The following PPFIA1 variants were observed in gnomAD, a reference collection of about 807,000 sequenced individuals.
PPFIA1 encodes PPFI scaffold protein A1.
Under a neutral mutation model 149.9 loss-of-function variants are expected in PPFIA1, and 25 were observed. That is an observed-to-expected ratio of 0.17 (90% CI 0.12 to 0.23). The LOEUF (loss-of-function observed/expected upper bound fraction) is 0.23. Ranked by LOEUF, PPFIA1 falls within the 10% of genes least tolerant of loss-of-function variation. PPFIA1 has a pLI of 1.00. For synonymous variants in PPFIA1, 549 were observed against 552.8 expected (o/e 0.99, Z 0.10); for missense variants, 1,362 against 1,506.5 (o/e 0.90, Z 1.59).
rs71463672 is a variant in PPFIA1 at position 70,342,936 on chromosome 11, C to CTTTTTTTTTTTTTTTTTTTTTTTTTT, written c.1708-729_1708-704dup. The stretch of plus-strand genomic sequence containing the variant: ...TTGCAGCTATTTTGAAATGTACCAC[C>CTTTTTTTTTTTTTTTTTTTTTTTTTT]TTTTTTTTTTTTTTTTTTTTTTTTT... On this transcript the variant is annotated intron_variant, in intron 14 of 27. Transcript: ENST00000253925. Among the ~76,000 whole-genome samples the CTTTTTTTTTTTTTTTTTTTTTTTTTT allele has an allele frequency of 2.6e-5, 2 of 78,172 alleles. 1 individual carries two copies. The allele number at this position is 78,172 out of a possible 152,430, so 51.3% of individuals were successfully genotyped here. A position where few individuals can be genotyped will look rare whatever the true frequency, so the allele number is the denominator to read the frequency against.
chr11:70,349,946 C>T (rs1348892720), intron 16 of PPFIA1: 2 of 455,666 alleles, frequency 4.4e-6, no homozygotes, highest in Non-Finnish European at 8.8e-6. Context: ...CATTTTTAAT[C>T]CAGACCTCAG....
intron 8 of PPFIA1, among the ~76,000 whole-genome samples, chr11:70,331,226 C>T (rs962028116): frequency 6.7e-6 from 1 of 149,384 alleles, no homozygotes; most frequent in Non-Finnish European, 1.5e-5. Context: ...CACAGCTAGA[C>T]TCCGTCTCAA....
At chr11:70,288,181 C>T (rs960769918) in intron 2 of PPFIA1, among the ~76,000 whole-genome samples, 1 of 151,320 alleles carries the variant, frequency 6.6e-6, no homozygotes, top group Non-Finnish European at 1.5e-5. Flanking sequence ...TCAAGCAGTT[C>T]TCTGCCTCAG....
In PPFIA1 at chr11:70,374,926, G is replaced by C. The variant is rs780133063; in HGVS notation, c.3148G>C (p.Val1050Leu). 1.2e-6 allele frequency: 2 copies of C among 1,610,740 alleles called. No homozygotes were observed. Among genetic ancestry groups the C allele is most frequent in the South Asian group, 1.1e-5 (1 of 90,436 alleles). The stretch of plus-strand genomic sequence containing the variant: ...TCTTTATTCTTTTGCAGACGTGCTT[G>C]TTTGGAGCAATGATCGAGTGATTCG... ...ESQSEIKDVL[V>L]WSNDRVIRWI... The change falls in exon 24 of 28, where the codon GTT becomes CTT. Residue 1050 changes from valine (V) to leucine (L), a missense_variant. This residue lies in a region of PPFIA1 where 349 missense variants were observed against 373.3 expected (regional missense o/e 0.93). Coordinates refer to ENST00000253925, the MANE Select transcript of PPFIA1 (RefSeq NM_003626.5).
chr11:70,273,144 A>G (rs1053735538), intron 2 of PPFIA1, among the ~76,000 whole-genome samples: 1 of 152,000 alleles, frequency 6.6e-6, no homozygotes, highest in Non-Finnish European at 1.5e-5. Flanking sequence ...AGAGCGTGGT[A>G]GCGCGCATCT....
At chr11:70,272,102 T>C in intron 1 of PPFIA1, 71 bp from the exon 2 acceptor site, 3 of 1,494,594 alleles carry the variant, frequency 2.0e-6, no homozygotes, top group Non-Finnish European at 1.8e-6. Flanking sequence ...TACAGATACC[T>C]GTAAAGTTGC....
chr11:70,307,158 G>A (rs2052907059), intron 2 of PPFIA1, among the ~76,000 whole-genome samples: 1 of 152,212 alleles, frequency 6.6e-6, no homozygotes, highest in Non-Finnish European at 1.5e-5. Context: ...GCCTACTGGG[G>A]ATAATTTCGC....
chr11:70,359,930 C>T (rs1190684581), intron 19 of PPFIA1, among the ~76,000 whole-genome samples: 1 of 152,242 alleles, frequency 6.6e-6, no homozygotes, highest in African/African-American at 2.4e-5. Context: ...GACACAGGGG[C>T]CTTCTTCCCG....
At chr11:70,334,698 G>T (rs1488148944) in intron 10 of PPFIA1, 1 of 152,276 alleles carries the variant, frequency 6.6e-6, no homozygotes, top group Non-Finnish European at 1.5e-5. Context: ...TGTTTTCCCA[G>T]TGCAGAAATT....
intron 2 of PPFIA1, among the ~76,000 whole-genome samples, chr11:70,316,498 TAG>T (rs528859896): frequency 4.2e-4 from 64 of 152,176 alleles, no homozygotes; most frequent in Non-Finnish European, 6.2e-4. Flanking sequence ...AAGGAGATTA[TAG>T]AGAGTAAGAG....
chr11:70,271,968 C>T, intron 1 of PPFIA1: 1 of 594,760 alleles, frequency 1.7e-6, no homozygotes, highest in African/African-American at 1.8e-5. Flanking sequence ...GGATTTTTGT[C>T]TGTGTTAATG....
At chr11:70,275,440 G>A (rs1417770282) in intron 2 of PPFIA1, among the ~76,000 whole-genome samples, 4 of 152,110 alleles carry the variant, frequency 2.6e-5, no homozygotes, top group Admixed American at 2.6e-4. Flanking sequence ...TTTTAATGTA[G>A]CCCAGTTGAT....
chr11:70,357,712 G>A (rs758117425), intron 19 of PPFIA1, among the ~76,000 whole-genome samples: 15 of 151,212 alleles, frequency 9.9e-5, no homozygotes, highest in South Asian at 4.2e-4. Flanking sequence ...TCAGCTTCCC[G>A]AGTAGCTGGG....
intron 2 of PPFIA1, among the ~76,000 whole-genome samples, chr11:70,300,517 T>G (rs2052415024): frequency 6.6e-6 from 1 of 150,722 alleles, no homozygotes; most frequent in African/African-American, 2.4e-5. Context: ...TATAAGCATG[T>G]GCCACCATGC....
Position 70,326,300 on chromosome 11 carries a change from T to A in PPFIA1, c.645T>A (p.Thr215=). 1.2e-6 allele frequency: 2 copies of A among 1,609,030 alleles called. No individual in the cohort carries two copies. The highest frequency in any genetic ancestry group is 1.7e-6 in the Non-Finnish European group (2 of 1,177,004). ...AAGAACAGAATAATCAGAAAAAAAC[T>A]CTAACAGATGGAGTGCTGGACATAA... The part of the protein sequence containing the change: ...ILKEQNNQKK[T]LTDGVLDINH... Residue 215 remains threonine, a synonymous_variant, in exon 6 of 28, where the codon ACT becomes ACA. Transcript: ENST00000253925.
At chr11:70,356,115 T>A in intron 18 of PPFIA1, 46 bp from the exon 19 acceptor site, 1 of 1,425,506 alleles carries the variant, frequency 7.0e-7, no homozygotes, top group Non-Finnish European at 9.9e-7. Context: ...AACATAGAGC[T>A]TTGTCATGCT....
chr11:70,345,955 C>T (rs1405579034), intron 15 of PPFIA1: 1 of 455,142 alleles, frequency 2.2e-6, no homozygotes, highest in Non-Finnish European at 4.4e-6. Flanking sequence ...GGCTCCACTC[C>T]AGTGTTCCTT....
intron 16 of PPFIA1, among the ~76,000 whole-genome samples, chr11:70,353,806 C>CA (rs1565437018): frequency 6.6e-6 from 1 of 152,116 alleles, no homozygotes; most frequent in Non-Finnish European, 1.5e-5. Flanking sequence ...CCCGTTCAGA[C>CA]AAAAAAGGTA....
At chr11:70,312,661 G>A (rs867638408) in intron 2 of PPFIA1, among the ~76,000 whole-genome samples, 5 of 152,176 alleles carry the variant, frequency 3.3e-5, no homozygotes, top group Non-Finnish European at 5.9e-5. Flanking sequence ...TGGAGCCTGC[G>A]TGTTTTGCTA....
Sources: gnomAD v4.1 joint callset for allele counts (sites outside exome capture counted in the v4.1 genomes callset) on GRCh38, gnomAD v4.1.1 for gene constraint, gnomAD v4.1.1 regional missense constraint, MANE v1.5 for transcripts, NCBI Gene and HGNC (gene_info 2026-07-23, HGNC 2026-07-21) for gene names.